Variants in RAP1GAP2 observed in about 807,000 individuals in gnomAD.
RAP1GAP2 encodes the protein rap1 GTPase-activating protein 2.
In RAP1GAP2, 27 loss-of-function variants were observed where a neutral mutation model predicts 95.0. That is an observed-to-expected ratio of 0.28 (90% CI 0.21 to 0.39). The LOEUF (loss-of-function observed/expected upper bound fraction) is 0.39. RAP1GAP2 is among the 10% of genes least tolerant of loss of function. The probability of loss-of-function intolerance (pLI) is 1.00; values close to 1 mark genes in which losing one functional copy is unlikely to be tolerated. For missense variants in RAP1GAP2, 771 were observed against 970.0 expected, an observed-to-expected ratio of 0.79 and a Z score of 2.72; for synonymous variants, 373 against 380.9, an observed-to-expected ratio of 0.98 and a Z score of 0.24.
exon 2 of RAP1GAP2, chr17:2,770,375 G>A (rs1208158600): frequency 2.5e-6 from 1 of 398,586 alleles, no homozygotes; most frequent in Non-Finnish European, 4.4e-6. Flanking sequence ...GACGCTGACA[G>A]CCTTCCAGTG....
At chr17:2,858,708 C>T (rs2072249320) in intron 2 of RAP1GAP2, among the ~76,000 whole-genome samples, 1 of 151,940 alleles carries the variant, frequency 6.6e-6, no homozygotes, top group Non-Finnish European at 1.5e-5. Flanking sequence ...CCCAGGAGTT[C>T]GAGACCAGCC....
intron 2 of RAP1GAP2, among the ~76,000 whole-genome samples, chr17:2,815,456 A>ATATTATTATTATTATTAT (rs10675930): frequency 7.8e-5 from 11 of 140,138 alleles, no homozygotes; most frequent in South Asian, 2.3e-4. Context: ...AACATCTCTG[A>ATATTATTATTATTATTAT]TATTATTATT....
chr17:2,862,340 G>T (rs1451077788), intron 2 of RAP1GAP2, among the ~76,000 whole-genome samples: 1 of 152,146 alleles, frequency 6.6e-6, no homozygotes, highest in East Asian at 1.9e-4. Context: ...TTTTCTAAAT[G>T]CAGTTTTATC....
Position 3,018,066 on chromosome 17 carries a change from C to T in RAP1GAP2, c.1500C>T (p.Ala500=). The T allele has an allele frequency of 6.3e-7, 1 of 1,585,012 alleles. No homozygotes were observed. The highest frequency in any genetic ancestry group is 8.6e-7 in the Non-Finnish European group (1 of 1,166,176). ...HGGFLESFKR[A]IRVRSHSMET... is the part of the protein sequence containing the mutation. Reference sequence around the variant, plus strand: ...CCCTTGTTCTCTCCCCGTAGAGGGCCATCCGCGTACGCAGCCACTCCATGG... The same window carrying T: ...CCCTTGTTCTCTCCCCGTAGAGGGCTATCCGCGTACGCAGCCACTCCATGG... Residue 500 remains alanine (A), a synonymous_variant, in exon 18 of 25, where the codon GCC becomes GCT. Transcript: ENST00000254695.
chr17:2,762,927 C>G (rs1471655273), intron 1 of RAP1GAP2, among the ~76,000 whole-genome samples: 1 of 152,116 alleles, frequency 6.6e-6, no homozygotes, highest in African/African-American at 2.4e-5. Context: ...CCTCCTACCT[C>G]AGCCTCTGAA....
At chr17:2,852,976 G>A (rs1333391926) in intron 2 of RAP1GAP2, among the ~76,000 whole-genome samples, 1 of 152,080 alleles carries the variant, frequency 6.6e-6, no homozygotes, top group African/African-American at 2.4e-5. Context: ...AGTGCGCAGC[G>A]GCCAGGCCCG....
At chr17:2,961,906 T>A (rs2044348121) in intron 4 of RAP1GAP2, among the ~76,000 whole-genome samples, 3 of 151,112 alleles carry the variant, frequency 2.0e-5, no homozygotes, top group African/African-American at 7.3e-5. Context: ...TTTTTTTTTT[T>A]TTTTTTTTAA....
intron 17 of RAP1GAP2, among the ~76,000 whole-genome samples, chr17:3,017,119 G>A (rs1403661142): frequency 6.6e-6 from 1 of 152,222 alleles, no homozygotes; most frequent in Non-Finnish European, 1.5e-5. Flanking sequence ...AGGTGGAGCC[G>A]AGCTCTGCTT....
At chr17:2,960,126 A>AAAAG (rs1429158066) in intron 4 of RAP1GAP2, among the ~76,000 whole-genome samples, 1 of 150,444 alleles carries the variant, frequency 6.6e-6, no homozygotes, top group African/African-American at 2.4e-5. Flanking sequence ...TCCATCTCAA[A>AAAAG]AAAAAAAAAA....
intron 3 of RAP1GAP2, among the ~76,000 whole-genome samples, chr17:2,927,767 T>C (rs1005830773): frequency 7.9e-5 from 12 of 152,204 alleles, no homozygotes; most frequent in African/African-American, 2.7e-4. Context: ...TGGGCATCTC[T>C]ACCTGCTTCC....
At chr17:2,968,757 A>G (rs73296662) in intron 8 of RAP1GAP2, among the ~76,000 whole-genome samples, 3,391 of 152,234 alleles carry the variant, frequency 0.022, 156 homozygotes, top group African/African-American at 0.078. Context: ...GATTTGGGTC[A>G]TCTCTCCAAA....
intron 4 of RAP1GAP2, among the ~76,000 whole-genome samples, chr17:2,960,552 CAG>C (rs1469827168): frequency 6.6e-6 from 1 of 152,272 alleles, no homozygotes; most frequent in African/African-American, 2.4e-5. Flanking sequence ...CTGCTGTCCA[CAG>C]AGTGTGGGGT....
chr17:2,855,008 A>G lies in RAP1GAP2; in HGVS notation c.81-50276A>G, dbSNP rs575146828. On this transcript the variant is annotated intron_variant, in intron 2 of 24. Coordinates refer to ENST00000254695, the MANE Select transcript of RAP1GAP2 (RefSeq NM_015085.5). The surrounding 1 kb of genome is among the most constrained non-coding windows in gnomAD (Gnocchi z 4.3). ...TTTGGAATGGTTAATACCGCACCCT[A>G]TAAGACACGGGCAGTGGAACCAGAG... Among the ~76,000 whole-genome samples, 1 of 152,262 alleles carries G rather than the reference A, an allele frequency of 6.6e-6. No individual in the cohort carries two copies. The highest frequency in any genetic ancestry group is 1.5e-5 in the Non-Finnish European group (1 of 68,018).
chr17:2,905,451 C>A, intron 3 of RAP1GAP2, 83 bp downstream of exon 3: 1 of 1,382,272 alleles, frequency 7.2e-7, no homozygotes, highest in South Asian at 1.3e-5. Context: ...GCTCCAGGCC[C>A]AGCAGCGTCC....
chr17:2,884,293 T>G (rs2073405686), intron 2 of RAP1GAP2, among the ~76,000 whole-genome samples: 1 of 151,958 alleles, frequency 6.6e-6, no homozygotes, highest in Non-Finnish European at 1.5e-5. Flanking sequence ...ATTCTTTGCT[T>G]CTTCAATCAC....
chr17:2,984,594 TAG>T (rs1351064801), intron 10 of RAP1GAP2, among the ~76,000 whole-genome samples: 1 of 152,144 alleles, frequency 6.6e-6, no homozygotes, highest in Admixed American at 6.5e-5. Flanking sequence ...TGCTGCTGAT[TAG>T]AGGTGGAATT....
intron 2 of RAP1GAP2, among the ~76,000 whole-genome samples, chr17:2,878,903 G>A (rs1370583404): frequency 6.6e-6 from 1 of 152,224 alleles, no homozygotes; most frequent in Non-Finnish European, 1.5e-5. Flanking sequence ...CCGTGTGATG[G>A]GGTAATAATA....
chr17:2,957,719 C>A, intron 3 of RAP1GAP2, 40 bp from the exon 4 acceptor site: 2 of 1,599,138 alleles, frequency 1.3e-6, no homozygotes, highest in Non-Finnish European at 8.5e-7. Flanking sequence ...GACCTCCCGG[C>A]TGATCCCTGT....
At chr17:2,955,059 G>A (rs772719161) in intron 3 of RAP1GAP2, among the ~76,000 whole-genome samples, 17 of 152,178 alleles carry the variant, frequency 1.1e-4, no homozygotes, top group African/African-American at 3.1e-4. Context: ...CCACCGTTTG[G>A]CAAGAGTGAA....
Sources: allele counts gnomAD v4.1 joint callset (sites outside exome capture counted in the v4.1 genomes callset), GRCh38; gene constraint gnomAD v4.1.1; non-coding constraint Gnocchi (gnomAD v3.1); transcripts MANE v1.5; gene names NCBI Gene and HGNC (gene_info 2026-07-23, HGNC 2026-07-21).